Variants in GALNTL6 observed in about 807,000 individuals in gnomAD.
GALNTL6 encodes polypeptide N-acetylgalactosaminyltransferase-like 6.
Under a neutral mutation model 73.7 loss-of-function variants are expected in GALNTL6, and 46 were observed. The observed-to-expected ratio is 0.62, with a 90% CI of 0.49 to 0.80. The LOEUF (loss-of-function observed/expected upper bound fraction) is 0.80, where lower values mean the gene tolerates loss of function less well. GALNTL6 is among the 30% of genes least tolerant of loss of function. The probability of loss-of-function intolerance (pLI) is 0.00; values close to 1 mark genes in which losing one functional copy is unlikely to be tolerated. For synonymous variants in GALNTL6, 259 were observed against 263.7 expected (o/e 0.98, Z 0.17); for missense variants, 604 against 755.0 (o/e 0.80, Z 2.34).
At chr4:172,130,181 ATTTT>A (rs34151025) in intron 2 of GALNTL6, among the ~76,000 whole-genome samples, 2 of 130,240 alleles carry the variant, frequency 1.5e-5, no homozygotes, top group Non-Finnish European at 1.6e-5. Context: ...TCATTACAGA[ATTTT>A]TTTTTTTTTT....
chr4:171,866,303 A>T (rs11735867), intron 2 of GALNTL6, among the ~76,000 whole-genome samples: 79,733 of 151,588 alleles, frequency 0.53, 23,834 homozygotes, highest in Non-Finnish European at 0.67. Flanking sequence ...TAATTTTTAA[A>T]TTTTTTTTCT....
chr4:172,262,217 T>C (rs1738280559), intron 3 of GALNTL6, among the ~76,000 whole-genome samples: 1 of 151,166 alleles, frequency 6.6e-6, no homozygotes, highest in Non-Finnish European at 1.5e-5. Flanking sequence ...TACCTGTCTG[T>C]GCTATCAGTG....
intron 4 of GALNTL6, among the ~76,000 whole-genome samples, chr4:172,337,474 A>T (rs189324496): frequency 6.6e-6 from 1 of 152,232 alleles, no homozygotes; most frequent in African/African-American, 2.4e-5. Flanking sequence ...AGGTTGGTCT[A>T]TTGGCAATAA....
intron 5 of GALNTL6, among the ~76,000 whole-genome samples, chr4:172,714,544 G>T (rs1734941695): frequency 6.6e-6 from 1 of 152,116 alleles, no homozygotes; most frequent in Admixed American, 6.6e-5. Context: ...AAAAAAACTT[G>T]CTACAAGTAA....
At chr4:172,393,731 A>G (rs1291979434) in intron 5 of GALNTL6, among the ~76,000 whole-genome samples, 1 of 152,168 alleles carries the variant, frequency 6.6e-6, no homozygotes, top group Non-Finnish European at 1.5e-5. Flanking sequence ...GTATCTGACT[A>G]CTGGGCTTTA....
intron 2 of GALNTL6, among the ~76,000 whole-genome samples, chr4:171,956,232 G>A (rs191332255): frequency 7.1e-4 from 108 of 152,134 alleles, no homozygotes; most frequent in African/African-American, 2.1e-3. Flanking sequence ...CTTGAACGGC[G>A]AGGCTAAACC....
intron 5 of GALNTL6, among the ~76,000 whole-genome samples, chr4:172,401,826 G>C (rs991559486): frequency 6.6e-6 from 1 of 151,528 alleles, no homozygotes; most frequent in Non-Finnish European, 1.5e-5. Flanking sequence ...TGTATTTGTC[G>C]TGGTAAAATC....
chr4:172,865,676 C>A (rs1451154511), intron 7 of GALNTL6, among the ~76,000 whole-genome samples: 4 of 151,722 alleles, frequency 2.6e-5, no homozygotes, highest in Non-Finnish European at 5.9e-5. Context: ...TTTTATATCA[C>A]CTCCTCTGTC....
chr4:172,355,736 T>A (rs961369098), intron 5 of GALNTL6, among the ~76,000 whole-genome samples: 2 of 152,184 alleles, frequency 1.3e-5, no homozygotes, highest in African/African-American at 4.8e-5. Flanking sequence ...TTTTTAAGCA[T>A]TTCATTTTGA....
chr4:172,634,947 C>G (rs536580314), intron 5 of GALNTL6, among the ~76,000 whole-genome samples: 35 of 152,182 alleles, frequency 2.3e-4, no homozygotes, highest in African/African-American at 7.5e-4. Flanking sequence ...CCAACTTATC[C>G]ATAGATGTTA....
Position 172,546,881 on chromosome 4 carries a change from G to A in GALNTL6, c.553+198192G>A, listed in dbSNP as rs143938023. ...TGTATCTTCTCAATAATTTTTAAGC[G>A]TACAGTTCAGTGGCATTAAGCACAC... On this transcript the variant is annotated intron_variant, in intron 5 of 12. Transcript: ENST00000506823. 1.2e-3 allele frequency among the ~76,000 whole-genome samples: 138 copies of A among 110,996 alleles called. 2 individuals carry two copies. In the East Asian group the frequency reaches 0.027, roughly 21 times the overall value. The allele number at this position is 110,996 out of a possible 152,430, so 72.8% of individuals were successfully genotyped here.
At chr4:172,964,563 C>T (rs965792535) in intron 10 of GALNTL6, among the ~76,000 whole-genome samples, 3 of 152,210 alleles carry the variant, frequency 2.0e-5, no homozygotes, top group Non-Finnish European at 4.4e-5. Flanking sequence ...ATTAATGTCA[C>T]CCCGAATTGT....
At chr4:172,380,139 G>T (rs1743226157) in intron 5 of GALNTL6, 2 of 1,042,064 alleles carry the variant, frequency 1.9e-6, no homozygotes, top group Admixed American at 1.7e-5. Flanking sequence ...GGATCATCTG[G>T]ATTTGGAGCA....
intron 3 of GALNTL6, among the ~76,000 whole-genome samples, chr4:172,284,122 A>C (rs1183588051): frequency 6.6e-6 from 1 of 152,206 alleles, no homozygotes; most frequent in Admixed American, 6.5e-5. Flanking sequence ...CATTAAAAAG[A>C]AGCAGTCTAG....
At chr4:171,979,610 G>A (rs1739830441) in intron 2 of GALNTL6, among the ~76,000 whole-genome samples, 1 of 152,108 alleles carries the variant, frequency 6.6e-6, no homozygotes, top group Non-Finnish European at 1.5e-5. Flanking sequence ...AAATAGCCTG[G>A]GGCAGAGTTT....
intron 2 of GALNTL6, among the ~76,000 whole-genome samples, chr4:171,826,415 G>A (rs1311624147): frequency 6.6e-6 from 1 of 152,050 alleles, no homozygotes; most frequent in African/African-American, 2.4e-5. Flanking sequence ...CTTTCTTTAG[G>A]AACGTCCACA....
chr4:172,579,536 T>C (rs1470451047), intron 5 of GALNTL6, among the ~76,000 whole-genome samples: 1 of 152,154 alleles, frequency 6.6e-6, no homozygotes, highest in Non-Finnish European at 1.5e-5. Flanking sequence ...GAGAGCAATG[T>C]TCCTCGAAGG....
intron 2 of GALNTL6, among the ~76,000 whole-genome samples, chr4:172,221,900 T>C (rs1043948669): frequency 6.6e-6 from 1 of 151,856 alleles, no homozygotes; most frequent in African/African-American, 2.4e-5. Context: ...CCTGGCACTT[T>C]CGGTTCATTT....
intron 2 of GALNTL6, among the ~76,000 whole-genome samples, chr4:171,905,970 A>C (rs903073685): frequency 1.3e-5 from 2 of 151,524 alleles, no homozygotes; most frequent in Admixed American, 1.3e-4. Flanking sequence ...AACATACCAG[A>C]ATCTCTGGGA....
Sources: allele counts gnomAD v4.1 joint callset (sites outside exome capture counted in the v4.1 genomes callset), GRCh38; gene constraint gnomAD v4.1.1; transcripts MANE v1.5; gene names NCBI Gene and HGNC (gene_info 2026-07-23, HGNC 2026-07-21).